The following NEGR1 variants were observed in gnomAD, a reference collection of about 807,000 sequenced individuals.
NEGR1 encodes IgLON family member 4.
NEGR1 carries 10 observed loss-of-function variants against 40.9 expected under a neutral mutation model. The ratio of observed to expected loss-of-function variants is 0.24; its 90% CI spans 0.15 to 0.42. The LOEUF is 0.42. Ranked by LOEUF, NEGR1 falls within the 10% of genes least tolerant of loss-of-function variation. NEGR1 has a pLI of 1.00. For synonymous variants in NEGR1, 185 were observed against 166.8 expected (o/e 1.11, Z -0.84); for missense variants, 352 against 438.9 (o/e 0.80, Z 1.77).
chr1:72,233,826 G>A (rs1654460311), intron 1 of NEGR1, among the ~76,000 whole-genome samples: 1 of 151,870 alleles, frequency 6.6e-6, no homozygotes, highest in Admixed American at 6.6e-5. Flanking sequence ...AGTATTGCTG[G>A]GCTAAATGGT....
chr1:71,472,560 T>C (rs1646789282), intron 6 of NEGR1: 1 of 152,154 alleles, frequency 6.6e-6, no homozygotes, highest in South Asian at 2.1e-4. Context: ...TTGATTTATC[T>C]ACAGCTCCAT....
chr1:72,210,078 A>G (rs759915685), intron 1 of NEGR1, among the ~76,000 whole-genome samples: 9 of 151,844 alleles, frequency 5.9e-5, no homozygotes, highest in South Asian at 2.1e-4. Flanking sequence ...AACAAAGTTT[A>G]TTTTCTTTAG....
chr1:71,449,460 T>C (rs149716400), intron 6 of NEGR1, among the ~76,000 whole-genome samples: 42 of 152,344 alleles, frequency 2.8e-4, no homozygotes, highest in Middle Eastern at 3.4e-3. Flanking sequence ...AAGCTACCTC[T>C]AAGTTTTTTG....
chr1:71,648,085 CA>C (rs1651592007), intron 4 of NEGR1, among the ~76,000 whole-genome samples: 1 of 151,888 alleles, frequency 6.6e-6, no homozygotes, highest in South Asian at 2.1e-4. Context: ...AATATGCAGC[CA>C]ACTGGCCCTG....
At chr1:71,818,922 T>C (rs1318907) in intron 2 of NEGR1, among the ~76,000 whole-genome samples, 18,318 of 151,932 alleles carry the variant, frequency 0.12, 2,254 homozygotes, top group African/African-American at 0.32. Flanking sequence ...TGAAAGTACC[T>C]ATGTGGCTCA....
intron 1 of NEGR1, among the ~76,000 whole-genome samples, chr1:72,016,313 C>T (rs1646710136): frequency 6.6e-6 from 1 of 152,096 alleles, no homozygotes; most frequent in Admixed American, 6.5e-5. Flanking sequence ...ACATAAGATA[C>T]AGAGTGTGTC....
intron 5 of NEGR1, among the ~76,000 whole-genome samples, chr1:71,609,914 A>T (rs1650199156): frequency 6.6e-6 from 1 of 152,212 alleles, no homozygotes; most frequent in Non-Finnish European, 1.5e-5. Context: ...TGTTCTCGTG[A>T]TAGTGAGTGA....
chr1:71,895,287 C>A (rs1429071212), intron 2 of NEGR1, among the ~76,000 whole-genome samples: 1 of 152,110 alleles, frequency 6.6e-6, no homozygotes, highest in Non-Finnish European at 1.5e-5. Flanking sequence ...TCATAACCAT[C>A]CGTTTAAGTA....
intron 6 of NEGR1, among the ~76,000 whole-genome samples, chr1:71,435,663 T>C (rs1342228252): frequency 1.3e-5 from 2 of 152,188 alleles, no homozygotes; most frequent in South Asian, 2.1e-4. Context: ...ACTGCTCTTA[T>C]GTATAAAGCT....
intron 6 of NEGR1, among the ~76,000 whole-genome samples, chr1:71,560,460 T>TATATATATATA (rs1198448626): frequency 5.5e-4 from 78 of 143,096 alleles, no homozygotes; most frequent in South Asian, 1.3e-3. Flanking sequence ...TATATATATA[T>TATATATATATA]TTCCAATTAA....
At chr1:71,818,218 T>C (rs1305656121) in intron 2 of NEGR1, among the ~76,000 whole-genome samples, 3 of 151,938 alleles carry the variant, frequency 2.0e-5, no homozygotes, top group Non-Finnish European at 2.9e-5. Flanking sequence ...CATTCTACCA[T>C]AAAGACGTAT....
At chr1:72,217,316 T>A (rs1255913877) in intron 1 of NEGR1, among the ~76,000 whole-genome samples, 1 of 151,894 alleles carries the variant, frequency 6.6e-6, no homozygotes, top group African/African-American at 2.4e-5. Flanking sequence ...AAATTTCACA[T>A]TTAAAATTGA....
chr1:71,875,685 G>A (rs938513906), intron 2 of NEGR1, among the ~76,000 whole-genome samples: 5 of 152,070 alleles, frequency 3.3e-5, no homozygotes, highest in African/African-American at 1.2e-4. Flanking sequence ...TTTCAGTCCT[G>A]GTTTTAGATC....
At chr1:71,573,198 T>C (rs922019449) in intron 6 of NEGR1, among the ~76,000 whole-genome samples, 2 of 151,970 alleles carry the variant, frequency 1.3e-5, no homozygotes, top group African/African-American at 4.8e-5. Flanking sequence ...ATGAATAGAA[T>C]AGATAAAGGG....
chr1:72,221,697 G>A (rs1654017168), intron 1 of NEGR1, among the ~76,000 whole-genome samples: 1 of 152,064 alleles, frequency 6.6e-6, no homozygotes, highest in Non-Finnish European at 1.5e-5. Context: ...AAAAAATCCT[G>A]AAGTCCTATT....
intron 1 of NEGR1, among the ~76,000 whole-genome samples, chr1:71,972,816 T>C (rs894393410): frequency 6.6e-6 from 1 of 152,174 alleles, no homozygotes; most frequent in African/African-American, 2.4e-5. Context: ...CTTCCCCAGT[T>C]GATTCTTCAC....
chr1:72,043,893 A>G (rs1470374656), intron 1 of NEGR1, among the ~76,000 whole-genome samples: 2 of 151,916 alleles, frequency 1.3e-5, no homozygotes, highest in African/African-American at 4.8e-5. Context: ...ACTGCTATTT[A>G]ACAATATCCA....
At chr1:71,862,997 G>T (rs1047017776) in intron 2 of NEGR1, among the ~76,000 whole-genome samples, 2 of 152,166 alleles carry the variant, frequency 1.3e-5, no homozygotes, top group Admixed American at 6.5e-5. Flanking sequence ...TACACTGTTG[G>T]TGGGAATGTA....
intron 2 of NEGR1, among the ~76,000 whole-genome samples, chr1:71,933,560 A>T (rs1339971470): frequency 6.6e-6 from 1 of 152,044 alleles, no homozygotes; most frequent in East Asian, 1.9e-4. Flanking sequence ...TGAACAAGAG[A>T]ACAAGATTAA....
Sources: allele counts gnomAD v4.1 joint callset (sites outside exome capture counted in the v4.1 genomes callset), GRCh38; gene constraint gnomAD v4.1.1; transcripts MANE v1.5; gene names NCBI Gene and HGNC (gene_info 2026-07-23, HGNC 2026-07-21).